FOXO1: variants seen among roughly 807,000 people sequenced by gnomAD.
The protein encoded by FOXO1 is forkhead box protein O1.
FOXO1 carries 6 observed loss-of-function variants against 44.1 expected under a neutral mutation model. That is an observed-to-expected ratio of 0.14 (90% CI 0.07 to 0.27). FOXO1 has a LOEUF of 0.27. FOXO1 is among the 10% of genes least tolerant of loss of function. The pLI is 1.00. For synonymous variants in FOXO1, 380 were observed against 362.7 expected, an observed-to-expected ratio of 1.05 and a Z score of -0.54; for missense variants, 737 against 888.8, an observed-to-expected ratio of 0.83 and a Z score of 2.17.
At chr13:40,588,937 T>C (rs1167967093) in intron 1 of FOXO1, among the ~76,000 whole-genome samples, 1 of 152,022 alleles carries the variant, frequency 6.6e-6, no homozygotes, top group East Asian at 1.9e-4. Context: ...AAACCCCATC[T>C]CTATTAAAAA....
At chr13:40,632,401 CA>C (rs997330088) in intron 1 of FOXO1, among the ~76,000 whole-genome samples, 2 of 152,116 alleles carry the variant, frequency 1.3e-5, no homozygotes, top group African/African-American at 4.8e-5. Flanking sequence ...CACAATTTAA[CA>C]ATGGGCAAAG....
chr13:40,568,338 G>A (rs977200685), intron 1 of FOXO1, among the ~76,000 whole-genome samples: 5 of 152,132 alleles, frequency 3.3e-5, no homozygotes, highest in Non-Finnish European at 5.9e-5. Context: ...CAATGTGTGC[G>A]ATTGTTATGC....
chr13:40,563,319 A>G (rs1193803223), intron 1 of FOXO1, among the ~76,000 whole-genome samples: 2 of 152,328 alleles, frequency 1.3e-5, no homozygotes, highest in East Asian at 3.9e-4. Context: ...GGTAGAAGAG[A>G]GAAAATGGAG....
chr13:40,659,685 A>C (rs1186599249), intron 1 of FOXO1, among the ~76,000 whole-genome samples: 1 of 152,056 alleles, frequency 6.6e-6, no homozygotes, highest in Non-Finnish European at 1.5e-5. Flanking sequence ...GGATGAAAGA[A>C]AAAAAAAGTA....
At position 40,666,270 on chromosome 13, in the gene FOXO1, TG is replaced by T. The variant is rs1252213833; in HGVS notation, c.-59del. The T allele has an allele frequency of 2.3e-5, 30 of 1,305,356 alleles. No individual in the cohort carries two copies. Among genetic ancestry groups the T allele is most frequent in the Non-Finnish European group, 2.6e-5 (27 of 1,022,584 alleles). The allele number at this position is 1,305,356 out of a possible 1,614,324, so 80.9% of individuals were successfully genotyped here. A position where few individuals can be genotyped will look rare whatever the true frequency, so the allele number is the denominator to read the frequency against. ...AGCCAAGAGGGGGAGAACGCAGCAC[TG>T]GGGGCGGACGGGGAGGGGGCGCGAA... On this transcript the variant is annotated 5_prime_UTR_variant, in exon 1 of 3. Transcript: ENST00000379561.
At chr13:40,618,780 ACCTTAT>A in intron 1 of FOXO1, 1 of 511,342 alleles carries the variant, frequency 2.0e-6, no homozygotes, top group South Asian at 1.4e-5. Context: ...TGGTGACGAA[ACCTTAT>A]CTCAAGACCG....
intron 1 of FOXO1, among the ~76,000 whole-genome samples, chr13:40,616,402 T>C (rs907906762): frequency 1.3e-5 from 2 of 151,992 alleles, no homozygotes; most frequent in Middle Eastern, 3.4e-3. Context: ...GAGAAAAAAT[T>C]TGAAAGACAA....
At chr13:40,660,645 T>G (rs935116867) in intron 1 of FOXO1, among the ~76,000 whole-genome samples, 8 of 152,266 alleles carry the variant, frequency 5.3e-5, no homozygotes, top group Non-Finnish European at 8.8e-5. Flanking sequence ...TCCTTGTGTG[T>G]GCGGAGCATG....
chr13:40,629,476 C>T (rs1876893338), intron 1 of FOXO1, among the ~76,000 whole-genome samples: 1 of 152,214 alleles, frequency 6.6e-6, no homozygotes, highest in Non-Finnish European at 1.5e-5. Flanking sequence ...TAAGATTTCA[C>T]AGCCTCTAGA....
At position 40,658,707 on chromosome 13, in the gene FOXO1, A is replaced by C. The variant is rs908199314; in HGVS notation, c.630+6876T>G. ...AGATAAGAAACGATTTCTCAAAGCA[A>C]AGCTAAGAAAAGGAAGACGTGGCCG... On this transcript the variant is annotated intron_variant, in intron 1 of 2. Coordinates refer to ENST00000379561, the MANE Select transcript of FOXO1 (RefSeq NM_002015.4). Among the ~76,000 whole-genome samples, 4 of 152,346 alleles carry C rather than the reference A, an allele frequency of 2.6e-5. No individual in the cohort carries two copies. The South Asian group carries it at 8.3e-4, about 32-fold the overall frequency.
At chr13:40,633,311 A>AT (rs1395182945) in intron 1 of FOXO1, among the ~76,000 whole-genome samples, 2 of 152,254 alleles carry the variant, frequency 1.3e-5, no homozygotes, top group African/African-American at 2.4e-5. Context: ...AAAACTATAC[A>AT]TGAATAATCA....
At chr13:40,620,967 T>A (rs1385466630) in intron 1 of FOXO1, 4 of 163,104 alleles carry the variant, frequency 2.5e-5, no homozygotes, top group Non-Finnish European at 5.3e-5. Context: ...CCTGGCTGAT[T>A]TTTGTATTTT....
At position 40,643,575 on chromosome 13, in the gene FOXO1, C is replaced by T. The variant is rs375940957; in HGVS notation, c.630+22008G>A. Among the ~76,000 whole-genome samples, 92 of 152,152 alleles carry T rather than the reference C, an allele frequency of 6.0e-4. 1 individual carries two copies. In the South Asian group the frequency reaches 0.019, roughly 31 times the overall value. On this transcript the variant is annotated intron_variant, in intron 1 of 2. Coordinates refer to ENST00000379561, the MANE Select transcript of FOXO1 (RefSeq NM_002015.4). ...TCCCATCAGAAGTTCTTCCAAAGCA[C>T]AAAAACAATATAAGTCTGCCAGAGC...
chr13:40,606,289 GTTTC>G (rs780299516), intron 1 of FOXO1, among the ~76,000 whole-genome samples: 14 of 152,072 alleles, frequency 9.2e-5, no homozygotes, highest in African/African-American at 2.4e-4. Context: ...TGGTTGGTTG[GTTTC>G]TTTCTTTCTT....
At chr13:40,612,001 G>C (rs1338054824) in intron 1 of FOXO1, among the ~76,000 whole-genome samples, 1 of 152,106 alleles carries the variant, frequency 6.6e-6, no homozygotes, top group Non-Finnish European at 1.5e-5. Context: ...TTGAGCCCAG[G>C]AGGCGGGGGT....
At chr13:40,622,425 G>A (rs1197436695) in intron 1 of FOXO1, among the ~76,000 whole-genome samples, 1 of 152,146 alleles carries the variant, frequency 6.6e-6, no homozygotes, top group Non-Finnish European at 1.5e-5. Flanking sequence ...ACAACTGTAG[G>A]AAGAGCTAGA....
intron 1 of FOXO1, among the ~76,000 whole-genome samples, chr13:40,653,126 C>A (rs372479249): frequency 3.3e-5 from 5 of 149,294 alleles, no homozygotes; most frequent in Admixed American, 2.0e-4. Context: ...CGCACCACCA[C>A]GCCTGGCTAA....
intron 1 of FOXO1, among the ~76,000 whole-genome samples, chr13:40,598,318 G>A (rs1374840491): frequency 6.6e-6 from 1 of 152,044 alleles, no homozygotes; most frequent in Admixed American, 6.6e-5. Flanking sequence ...TTCAGTTTTT[G>A]GGGCTTTTCT....
chr13:40,579,575 T>G, intron 1 of FOXO1, among the ~76,000 whole-genome samples: 1 of 147,270 alleles, frequency 6.8e-6, no homozygotes. Context: ...AGGAGAAGAG[T>G]GATTCTGAAG....
Sources: allele counts gnomAD v4.1 joint callset (sites outside exome capture counted in the v4.1 genomes callset), GRCh38; gene constraint gnomAD v4.1.1; transcripts MANE v1.5; gene names NCBI Gene and HGNC (gene_info 2026-07-23, HGNC 2026-07-21).